SSBP3: variants seen among roughly 807,000 people sequenced by gnomAD.
SSBP3 encodes single-stranded DNA-binding protein 3.
In SSBP3, 5 loss-of-function variants were observed where a neutral mutation model predicts 69.6. The observed-to-expected ratio is 0.07, with a 90% confidence interval of 0.04 to 0.15. SSBP3 has a LOEUF of 0.15. Among genes scored for constraint, SSBP3 ranks in the 10% least tolerant of loss-of-function variants. The pLI, the probability that SSBP3 is intolerant of heterozygous loss-of-function variation, is 1.00. For synonymous variants in SSBP3, 196 were observed against 193.4 expected, an observed-to-expected ratio of 1.01 and a Z score of -0.11; for missense variants, 312 against 534.0, an observed-to-expected ratio of 0.58 and a Z score of 4.10.
chr1:54,367,903 C>A lies in SSBP3; in HGVS notation c.276+33958G>T, dbSNP rs569802870. On this transcript the variant is annotated intron_variant, in intron 4 of 17. Transcript: ENST00000610401. ...ACATTATGAGAAAGCTGAAAAGAAT[C>A]TTAATGCAAAAGAATTCTTAACTGG... Among the ~76,000 whole-genome samples the A allele has an allele frequency of 2.0e-5, 3 of 152,288 alleles. No individual in the cohort carries two copies. In the South Asian group the frequency reaches 6.2e-4, roughly 32 times the overall value.
At chr1:54,331,968 T>C (rs949079380) in intron 4 of SSBP3, among the ~76,000 whole-genome samples, 1 of 152,162 alleles carries the variant, frequency 6.6e-6, no homozygotes. Flanking sequence ...CTCCCTTTCA[T>C]GAAAATCACC....
chr1:54,386,683 C>CTTTTTTTTTTTTTT lies in SSBP3; in HGVS notation c.276+15164_276+15177dup, dbSNP rs58429798. On this transcript the variant is annotated intron_variant, in intron 4 of 17. Coordinates refer to ENST00000610401, the Ensembl canonical transcript of SSBP3. ...ATCCACAATGTATAAACTGATCCTACTTTTTTTTTTTTTTTTTTTTTAAGA... is the reference window on the plus strand; with the variant it reads ...ATCCACAATGTATAAACTGATCCTACTTTTTTTTTTTTTTTTTTTTTTTTTTTTTTTTTTTAAGA... Among the ~76,000 whole-genome samples, 632 of 76,010 alleles carry CTTTTTTTTTTTTTT rather than the reference C, an allele frequency of 8.3e-3. 87 individuals carry two copies. The highest frequency in any genetic ancestry group is 0.013 in the South Asian group (34 of 2,686). The allele number at this position is 76,010 out of a possible 152,430, so 49.9% of individuals were successfully genotyped here. A position where few individuals can be genotyped will look rare whatever the true frequency, so the allele number is the denominator to read the frequency against.
intron 4 of SSBP3, among the ~76,000 whole-genome samples, chr1:54,301,648 G>A (rs1369044216): frequency 2.6e-5 from 4 of 152,320 alleles, no homozygotes; most frequent in South Asian, 2.1e-4. Flanking sequence ...TGGGAAGGGG[G>A]ATGAAAAACA....
rs1644953230 is a variant in SSBP3 at position 54,258,033 on chromosome 1, C to T, written c.447+36G>A. 5 of 1,556,408 alleles carry T rather than the reference C, an allele frequency of 3.2e-6. No individual in the cohort carries two copies. Among genetic ancestry groups the T allele is most frequent in the African/African-American group, 1.3e-5 (1 of 74,200 alleles). ...GGCTCTCTGCTTCCTCCGCGCCCCG[C>T]GTCCCCGGCGGGCGGGAGCGCCACG... is the stretch of plus-strand genomic sequence containing the variant. On this transcript the variant is annotated intron_variant, in intron 6 of 17. Coordinates refer to ENST00000610401, the Ensembl canonical transcript of SSBP3. This position sits in a 1 kb window ranked among gnomAD's most constrained non-coding sequence, Gnocchi z 4.5.
At position 54,326,819 on chromosome 1, in the gene SSBP3, G is replaced by A. The variant is rs192428763; in HGVS notation, c.277-45292C>T. ...TCTGATACCATTTGTTTCCACCACTGAAAATACACAAGGATTAGCCAGAAA... is the reference window on the plus strand; with the variant it reads ...TCTGATACCATTTGTTTCCACCACTAAAAATACACAAGGATTAGCCAGAAA... On this transcript the variant is annotated intron_variant, in intron 4 of 17. Coordinates refer to ENST00000610401, the Ensembl canonical transcript of SSBP3. Among the ~76,000 whole-genome samples the A allele has an allele frequency of 1.1e-3, 164 of 152,216 alleles. 5 individuals carry two copies. In the East Asian group the frequency reaches 0.029, roughly 27 times the overall value.
intron 4 of SSBP3, among the ~76,000 whole-genome samples, chr1:54,399,507 T>A (rs1649142513): frequency 6.6e-6 from 1 of 152,212 alleles, no homozygotes; most frequent in Non-Finnish European, 1.5e-5. Context: ...CACGGAAAGC[T>A]GCCAACAGAG....
chr1:54,225,749 T>G, exon 18 of SSBP3: 1 of 160,996 alleles, frequency 6.2e-6, no homozygotes, highest in Non-Finnish European at 1.4e-5. Context: ...GACACAAAGG[T>G]TTCCGTGGGG....
In SSBP3 at chr1:54,386,683, C is replaced by CTTTTTTTTTTTTTTTTTTTTTTTTT. The variant is rs58429798; in HGVS notation, c.276+15177_276+15178insAAAAAAAAAAAAAAAAAAAAAAAAA. ...ATCCACAATGTATAAACTGATCCTA[C>CTTTTTTTTTTTTTTTTTTTTTTTTT]TTTTTTTTTTTTTTTTTTTTTAAGA... On this transcript the variant is annotated intron_variant, in intron 4 of 17. Coordinates refer to ENST00000610401, the Ensembl canonical transcript of SSBP3. 1.9e-3 allele frequency among the ~76,000 whole-genome samples: 143 copies of CTTTTTTTTTTTTTTTTTTTTTTTTT among 76,074 alleles called. 27 individuals are homozygous for CTTTTTTTTTTTTTTTTTTTTTTTTT. The highest frequency in any genetic ancestry group is 6.9e-3 in the Middle Eastern group (1 of 144). 49.9% of individuals were successfully genotyped at this position (76,074 alleles called of 152,430 possible). A position where few individuals can be genotyped will look rare whatever the true frequency, so the allele number is the denominator to read the frequency against.
chr1:54,286,102 A>G (rs1426471065), intron 4 of SSBP3, among the ~76,000 whole-genome samples: 1 of 152,096 alleles, frequency 6.6e-6, no homozygotes, highest in African/African-American at 2.4e-5. Flanking sequence ...TGTTCATTAT[A>G]GGCCATTTTG....
chr1:54,379,661 C>T (rs571117301), intron 4 of SSBP3, among the ~76,000 whole-genome samples: 201 of 152,294 alleles, frequency 1.3e-3, no homozygotes, highest in African/African-American at 4.5e-3. Flanking sequence ...CTGGCTGTCA[C>T]CATCGGCAGG....
At chr1:54,231,729 C>CT (rs1205269599) in intron 14 of SSBP3, among the ~76,000 whole-genome samples, 1 of 152,176 alleles carries the variant, frequency 6.6e-6, no homozygotes, top group African/African-American at 2.4e-5. Context: ...GGTTCTCACT[C>CT]TGTCGGCCAG....
chr1:54,251,551 A>G, intron 9 of SSBP3, 65 bp downstream of exon 9: 1 of 1,485,228 alleles, frequency 6.7e-7, no homozygotes. Flanking sequence ...GAGCATGGAA[A>G]CAGGAGAGAA....
intron 5 of SSBP3, among the ~76,000 whole-genome samples, chr1:54,270,456 C>T (rs1645173930): frequency 6.6e-6 from 1 of 152,168 alleles, no homozygotes; most frequent in East Asian, 1.9e-4. Flanking sequence ...AGGGAAGTAA[C>T]GTGTTAAAGG....
intron 3 of SSBP3, among the ~76,000 whole-genome samples, chr1:54,403,814 G>GCAACTGGCTCC (rs1649480547): frequency 6.6e-6 from 1 of 152,070 alleles, no homozygotes; most frequent in African/African-American, 2.4e-5. Flanking sequence ...TATACCTAGG[G>GCAACTGGCTCC]CAACTGGCTC....
At chr1:54,235,993 G>GC (rs1644485482) in intron 14 of SSBP3, among the ~76,000 whole-genome samples, 1 of 152,284 alleles carries the variant, frequency 6.6e-6, no homozygotes, top group African/African-American at 2.4e-5. Flanking sequence ...AGGTTTTGTG[G>GC]CCCCCTCTCC....
In SSBP3 at chr1:54,289,020, C is replaced by CAAAAAAAAAAAAAA. The variant is rs777871964; in HGVS notation, c.277-7507_277-7494dup. Among the ~76,000 whole-genome samples, 28 of 43,856 alleles carry CAAAAAAAAAAAAAA rather than the reference C, an allele frequency of 6.4e-4. 1 individual carries two copies. Among genetic ancestry groups the CAAAAAAAAAAAAAA allele is most frequent in the South Asian group, 2.6e-3 (2 of 758 alleles). 28.8% of individuals were successfully genotyped at this position (43,856 alleles called of 152,430 possible). A position where few individuals can be genotyped will look rare whatever the true frequency, so the allele number is the denominator to read the frequency against. On this transcript the variant is annotated intron_variant, in intron 4 of 17. Transcript: ENST00000610401. ...GGGCGACAGAGCTAGACTCTGTCTCCAAAAAAAAAAAAAAAACAAAAAAAC... is the reference window on the plus strand; with the variant it reads ...GGGCGACAGAGCTAGACTCTGTCTCCAAAAAAAAAAAAAAAAAAAAAAAAAAAAAACAAAAAAAC...
At chr1:54,412,514 G>C (rs1290306517) in intron 1 of SSBP3, among the ~76,000 whole-genome samples, 1 of 152,118 alleles carries the variant, frequency 6.6e-6, no homozygotes, top group African/African-American at 2.4e-5. Flanking sequence ...AGACAGAGTA[G>C]AAAGGTGGTT....
At chr1:54,384,870 T>C (rs1328441308) in intron 4 of SSBP3, among the ~76,000 whole-genome samples, 1 of 152,188 alleles carries the variant, frequency 6.6e-6, no homozygotes, top group Non-Finnish European at 1.5e-5. Context: ...ATTGACCACC[T>C]TTCCATTTCT....
At chr1:54,327,104 C>T (rs1336644797) in intron 4 of SSBP3, among the ~76,000 whole-genome samples, 1 of 151,952 alleles carries the variant, frequency 6.6e-6, no homozygotes, top group Admixed American at 6.6e-5. Context: ...TTGGGCCCAG[C>T]CTCTCTAGGA....
Sources: allele counts gnomAD v4.1 joint callset (sites outside exome capture counted in the v4.1 genomes callset), GRCh38; gene constraint gnomAD v4.1.1; non-coding constraint Gnocchi (gnomAD v3.1); transcripts MANE v1.5; gene names NCBI Gene and HGNC (gene_info 2026-07-23, HGNC 2026-07-21).